KCND2: variants seen among roughly 807,000 people sequenced by gnomAD.
The protein encoded by KCND2 is potassium voltage-gated channel subfamily D member 2, also known as A-type voltage-gated potassium channel KCND2.
In KCND2, 16 loss-of-function variants were observed where a neutral mutation model predicts 54.4. The observed-to-expected ratio is 0.29, with a 90% CI of 0.20 to 0.45. KCND2 has a LOEUF of 0.45. Ranked by LOEUF, KCND2 falls within the 20% of genes least tolerant of loss-of-function variation. The pLI, the probability that KCND2 is intolerant of heterozygous loss-of-function variation, is 1.00. For missense variants in KCND2, 486 were observed against 824.2 expected (o/e 0.59, Z 5.02); for synonymous variants, 317 against 310.7 (o/e 1.02, Z -0.21).
intron 1 of KCND2, among the ~76,000 whole-genome samples, chr7:120,583,213 C>G (rs907023341): frequency 2.0e-5 from 3 of 152,102 alleles, no homozygotes; most frequent in Admixed American, 2.0e-4. Flanking sequence ...GATCTCCACT[C>G]AGACCAACAC....
intron 1 of KCND2, among the ~76,000 whole-genome samples, chr7:120,635,846 T>G (rs2116522115): frequency 6.6e-6 from 1 of 152,336 alleles, no homozygotes; most frequent in East Asian, 1.9e-4. Context: ...AAATTGAATT[T>G]GGAGGATGAG....
At chr7:120,403,602 T>C (rs1407270511) in intron 1 of KCND2, among the ~76,000 whole-genome samples, 1 of 151,804 alleles carries the variant, frequency 6.6e-6, no homozygotes, top group African/African-American at 2.4e-5. Context: ...AGTACTGGGA[T>C]TACTGGCATG....
chr7:120,624,654 G>A (rs114790968), intron 1 of KCND2, among the ~76,000 whole-genome samples: 3,599 of 151,972 alleles, frequency 0.024, 112 homozygotes, highest in African/African-American at 0.074. Context: ...GGTGGCCCAC[G>A]CCTGTGGTCC....
chr7:120,391,033 G>A (rs1801069023), intron 1 of KCND2, among the ~76,000 whole-genome samples: 1 of 151,598 alleles, frequency 6.6e-6, no homozygotes. Context: ...AGCCCCGCAT[G>A]ATTAGGTATA....
intron 1 of KCND2, among the ~76,000 whole-genome samples, chr7:120,684,016 T>C (rs1378240886): frequency 2.6e-5 from 4 of 152,122 alleles, no homozygotes; most frequent in East Asian, 1.9e-4. Flanking sequence ...ACTTGAGCCA[T>C]TGGGATAATA....
intron 1 of KCND2, among the ~76,000 whole-genome samples, chr7:120,466,331 C>T (rs566181333): frequency 6.6e-6 from 1 of 152,086 alleles, no homozygotes; most frequent in African/African-American, 2.4e-5. Flanking sequence ...TAAAATAAAC[C>T]TAGGAAAAGA....
rs1348802636 is a variant in KCND2, at chr7:120,442,269, T to TA, written c.1115+166523dup. Among the ~76,000 whole-genome samples the TA allele has an allele frequency of 3.9e-5, 6 of 152,204 alleles. No homozygotes were observed. The East Asian group carries it at 1.2e-3, about 29-fold the overall frequency. ...CCATGAGTCTAATCCAGCCAGAACA[T>TA]ATGCTTTGTGTGTCCAGCATGATAA... is the stretch of plus-strand genomic sequence containing the variant. On this transcript the variant is annotated intron_variant, in intron 1 of 5. Transcript: ENST00000331113.
rs564806877 is a variant in KCND2 at position 120,555,233 on chromosome 7, G to C, written c.1116-177670G>C. On this transcript the variant is annotated intron_variant, in intron 1 of 5. Coordinates refer to ENST00000331113, the MANE Select transcript of KCND2 (RefSeq NM_012281.3). ...ATAAACTAAACTCATAGAGGATTTG[G>C]GTTTGGGGTGATTGTAACAGTGAAT... is the stretch of plus-strand genomic sequence containing the variant. 1.1e-4 allele frequency among the ~76,000 whole-genome samples: 16 copies of C among 152,230 alleles called. 1 individual carries two copies. Among genetic ancestry groups the C allele is most frequent in the South Asian group, 4.1e-4 (2 of 4,820 alleles).
At chr7:120,538,673 C>T (rs576854576) in intron 1 of KCND2, among the ~76,000 whole-genome samples, 21 of 152,262 alleles carry the variant, frequency 1.4e-4, no homozygotes, top group Non-Finnish European at 5.9e-5. Context: ...TACAGATGGA[C>T]CAGAAGCCAC....
At chr7:120,344,698 T>C (rs1345405983) in intron 1 of KCND2, among the ~76,000 whole-genome samples, 1 of 152,180 alleles carries the variant, frequency 6.6e-6, no homozygotes, top group East Asian at 1.9e-4. Context: ...CTCATATTAT[T>C]TGGTAAAAAG....
intron 1 of KCND2, among the ~76,000 whole-genome samples, chr7:120,663,921 G>A (rs1791895216): frequency 6.6e-6 from 1 of 152,162 alleles, no homozygotes; most frequent in African/African-American, 2.4e-5. Context: ...TGTGCTCAGT[G>A]ATTCAATTAT....
intron 1 of KCND2, among the ~76,000 whole-genome samples, chr7:120,601,982 TGTCTA>T (rs1343377558): frequency 2.0e-5 from 3 of 152,294 alleles, no homozygotes; most frequent in African/African-American, 7.2e-5. Context: ...AAAATAAAAC[TGTCTA>T]GTGAAGATAA....
chr7:120,533,432 A>G (rs749887283), intron 1 of KCND2, among the ~76,000 whole-genome samples: 1 of 152,098 alleles, frequency 6.6e-6, no homozygotes, highest in Admixed American at 6.6e-5. Context: ...GCACTAGGCT[A>G]AGGATTTCTA....
intron 2 of KCND2, chr7:120,740,976 C>A: frequency 2.4e-6 from 1 of 411,984 alleles, no homozygotes; most frequent in Non-Finnish European, 4.8e-6. Flanking sequence ...TCTACCTAGG[C>A]TAATTTAAAG....
rs547123204 is a variant in KCND2 at position 120,539,443 on chromosome 7, G to A, written c.1116-193460G>A. Among the ~76,000 whole-genome samples, 28 of 152,270 alleles carry A rather than the reference G, an allele frequency of 1.8e-4. No homozygotes were observed. In the South Asian group the frequency reaches 2.1e-3, roughly 11 times the overall value. The stretch of plus-strand genomic sequence containing the variant: ...AATGCACATGATAGAAAAACAGGGA[G>A]CTCACTCTGAGCCTGCCAGAACAGT... On this transcript the variant is annotated intron_variant, in intron 1 of 5. Coordinates refer to ENST00000331113, the MANE Select transcript of KCND2 (RefSeq NM_012281.3).
At chr7:120,281,285 A>G (rs549522533) in intron 1 of KCND2, among the ~76,000 whole-genome samples, 10 of 151,560 alleles carry the variant, frequency 6.6e-5, no homozygotes, top group African/African-American at 2.2e-4. Context: ...TACTCTCCAT[A>G]TGTCTTATAT....
chr7:120,717,987 CA>C (rs1438782159), intron 1 of KCND2, among the ~76,000 whole-genome samples: 1 of 152,042 alleles, frequency 6.6e-6, no homozygotes, highest in African/African-American at 2.4e-5. Flanking sequence ...CCCCCTGCAC[CA>C]ATATTACATA....
Position 120,371,094 on chromosome 7 carries a change from G to GTACATCAATTAC in KCND2, c.1115+95347_1115+95348insTACATCAATTAC, listed in dbSNP as rs1176296891. Among the ~76,000 whole-genome samples the GTACATCAATTAC allele has an allele frequency of 8.6e-5, 13 of 152,016 alleles. No individual in the cohort carries two copies. In the East Asian group the frequency reaches 2.5e-3, roughly 29 times the overall value. On this transcript the variant is annotated intron_variant, in intron 1 of 5. Coordinates refer to ENST00000331113, the MANE Select transcript of KCND2 (RefSeq NM_012281.3). The stretch of plus-strand genomic sequence containing the variant: ...GGGACATGTCTCTATCGTAATTGAT[G>GTACATCAATTAC]GGAGAGAGAACATGCCACACCGTAC...
intron 1 of KCND2, among the ~76,000 whole-genome samples, chr7:120,295,143 A>T (rs186861009): frequency 3.3e-5 from 5 of 152,040 alleles, no homozygotes; most frequent in African/African-American, 1.2e-4. Flanking sequence ...AAGCAAATTC[A>T]ATAAAACACC....
Sources: allele counts gnomAD v4.1 joint callset (sites outside exome capture counted in the v4.1 genomes callset), GRCh38; gene constraint gnomAD v4.1.1; transcripts MANE v1.5; gene names NCBI Gene and HGNC (gene_info 2026-07-23, HGNC 2026-07-21).